The following NUP155 variants were observed in gnomAD, a reference collection of about 807,000 sequenced individuals.
NUP155 encodes nuclear pore complex protein Nup155.
NUP155 carries 71 observed loss-of-function variants against 180.4 expected under a neutral mutation model. The observed-to-expected ratio is 0.39, with a 90% CI of 0.33 to 0.48. NUP155 has a LOEUF of 0.48. NUP155 is among the 20% of genes least tolerant of loss of function. NUP155 has a pLI of 0.91. For synonymous variants in NUP155, 582 were observed against 559.5 expected (o/e 1.04, Z -0.57); for missense variants, 1,553 against 1,648.9 (o/e 0.94, Z 1.01).
chr5:37,315,040 T>A (rs899659781), intron 21 of NUP155, among the ~76,000 whole-genome samples: 2 of 152,154 alleles, frequency 1.3e-5, no homozygotes, highest in African/African-American at 4.8e-5. Flanking sequence ...AAGACCGGCC[T>A]GGCCAAAGTG....
chr5:37,296,090 C>G (rs1325113331), intron 32 of NUP155, among the ~76,000 whole-genome samples: 18 of 138,808 alleles, frequency 1.3e-4, no homozygotes, highest in Non-Finnish European at 3.2e-5. Flanking sequence ...CCGCCCCGTC[C>G]GGGAGGTGAG....
rs1742167339 is a variant in NUP155, at chr5:37,290,029, T to C, written c.*1871A>G. The C allele has an allele frequency of 1.3e-5, 2 of 152,132 alleles. No homozygotes were observed. The highest frequency in any genetic ancestry group is 2.4e-5 in the African/African-American group (1 of 41,426). The allele number at this position is 152,132 out of a possible 1,614,324, so 9.4% of individuals were successfully genotyped here. ...TAGAAGATTATAGGGAAAAGGGAGCTGAATTCTAAGAGAACAAATGTAGAG... is the reference window on the plus strand; with the variant it reads ...TAGAAGATTATAGGGAAAAGGGAGCCGAATTCTAAGAGAACAAATGTAGAG... On this transcript the variant is annotated 3_prime_UTR_variant, in exon 35 of 35. Coordinates refer to ENST00000231498, the MANE Select transcript of NUP155 (RefSeq NM_153485.3).
Position 37,302,789 on chromosome 5 carries a change from T to C in NUP155, c.3437A>G (p.Glu1146Gly), listed in dbSNP as rs1742933023. Residue 1146 changes from glutamate to glycine, a missense_variant, in exon 29 of 35, where the codon GAA becomes GGA. Physicochemically the swap from Glu to Gly is moderately conservative, Grantham distance 98. Coordinates refer to ENST00000231498, the MANE Select transcript of NUP155 (RefSeq NM_153485.3). ...ADGEFLHELE[E>G]KMEVARIQLQ... Reference sequence around the variant, plus strand: ...ATCTTTAGCACTTACCTCCATTTTTTCTTCTAATTCATGAAGAAATTCACC... The same window carrying C: ...ATCTTTAGCACTTACCTCCATTTTTCCTTCTAATTCATGAAGAAATTCACC... The C allele has an allele frequency of 6.2e-7, 1 of 1,613,990 alleles. No homozygotes were observed. Among genetic ancestry groups the C allele is most frequent in the African/African-American group, 1.3e-5 (1 of 74,926 alleles).
Position 37,324,321 on chromosome 5 carries a change from C to A in NUP155, c.2092-214G>T, listed in dbSNP as rs1214558279. ...CAATAAAATACAAATACTAAGAAAA[C>A]ATCTTGATTACTTTTATATATTTTT... On this transcript the variant is annotated intron_variant, in intron 19 of 34. Transcript: ENST00000231498. 2.0e-5 allele frequency among the ~76,000 whole-genome samples: 3 copies of A among 152,054 alleles called. No homozygotes were observed. The East Asian group carries it at 5.8e-4, about 29-fold the overall frequency.
chr5:37,364,668 G>C (rs1483822265), intron 1 of NUP155, among the ~76,000 whole-genome samples: 1 of 150,288 alleles, frequency 6.7e-6, no homozygotes, highest in African/African-American at 2.4e-5. Context: ...ATAGAGTCTC[G>C]CACTGTCGCC....
At chr5:37,323,727 G>C (rs896527776) in intron 20 of NUP155, among the ~76,000 whole-genome samples, 2 of 151,178 alleles carry the variant, frequency 1.3e-5, no homozygotes, top group Non-Finnish European at 2.9e-5. Context: ...CAGATCTGTG[G>C]AGACAGAAAG....
intron 19 of NUP155, 132 bp from the exon 20 acceptor site, chr5:37,324,239 T>A (rs901493130): frequency 8.7e-6 from 6 of 687,956 alleles, no homozygotes; most frequent in Non-Finnish European, 1.3e-5. Flanking sequence ...TTGATCCGAA[T>A]AAAGTATACC....
Position 37,307,445 on chromosome 5 carries a change from A to C in NUP155, c.2768-13T>G. On this transcript the variant is annotated splice_polypyrimidine_tract_variant and intron_variant, in intron 24 of 34. Coordinates refer to ENST00000231498, the MANE Select transcript of NUP155 (RefSeq NM_153485.3). Reference sequence around the variant, plus strand: ...TCATAAAATCTCACTGATGGGAAAGAAAAGAATGAAGACCTATGACTTACT... The same window carrying C: ...TCATAAAATCTCACTGATGGGAAAGCAAAGAATGAAGACCTATGACTTACT... The C allele has an allele frequency of 6.2e-7, 1 of 1,613,800 alleles. No homozygotes were observed. Among genetic ancestry groups the C allele is most frequent in the Non-Finnish European group, 8.5e-7 (1 of 1,179,760 alleles).
chr5:37,332,673 T>C (rs559619604), intron 13 of NUP155, among the ~76,000 whole-genome samples: 1 of 152,138 alleles, frequency 6.6e-6, no homozygotes, highest in African/African-American at 2.4e-5. Flanking sequence ...ATATTTCAAA[T>C]GATGGCTGGG....
In NUP155 at chr5:37,288,412, C is replaced by T. The variant is rs1356924177; in HGVS notation, c.*3488G>A. On this transcript the variant is annotated 3_prime_UTR_variant, in exon 35 of 35. Transcript: ENST00000231498. The stretch of plus-strand genomic sequence containing the variant: ...TAAAGAAACACTAAATGTACATGTA[C>T]ATCAGTCAGTATCTCATAGCATAAA... 6.6e-6 allele frequency: 1 copy of T among 151,986 alleles called. No homozygotes were observed. The highest frequency in any genetic ancestry group is 6.6e-5 in the Admixed American group (1 of 15,264). 9.4% of individuals were successfully genotyped at this position (151,986 alleles called of 1,614,324 possible).
chr5:37,306,080 T>C (rs1235120347), intron 25 of NUP155, among the ~76,000 whole-genome samples: 1 of 152,124 alleles, frequency 6.6e-6, no homozygotes, highest in Non-Finnish European at 1.5e-5. Context: ...GGTAAAGTCA[T>C]TAAATATAGT....
chr5:37,342,119 G>T (rs891560773), intron 10 of NUP155, among the ~76,000 whole-genome samples: 1 of 152,130 alleles, frequency 6.6e-6, no homozygotes, highest in Non-Finnish European at 1.5e-5. Flanking sequence ...GCTCACTGTA[G>T]CCTCAAACTC....
chr5:37,295,642 G>A (rs1017305857), intron 32 of NUP155, among the ~76,000 whole-genome samples: 3 of 146,208 alleles, frequency 2.1e-5, no homozygotes, highest in African/African-American at 5.0e-5. Context: ...AGGAAGTGAG[G>A]AGCGTCTCTG....
intron 4 of NUP155, among the ~76,000 whole-genome samples, chr5:37,354,892 G>A (rs1273037220): frequency 6.6e-6 from 1 of 151,692 alleles, no homozygotes; most frequent in Non-Finnish European, 1.5e-5. Context: ...AGGAGTTCGA[G>A]ACCAGCCTGA....
At chr5:37,347,106 T>C (rs956077340) in intron 9 of NUP155, among the ~76,000 whole-genome samples, 13 of 152,224 alleles carry the variant, frequency 8.5e-5, no homozygotes, top group Middle Eastern at 3.4e-3. Context: ...CATGTGCCTG[T>C]AGTCCTAGCC....
chr5:37,318,494 C>CT (rs1744046672), intron 20 of NUP155, among the ~76,000 whole-genome samples: 1 of 150,606 alleles, frequency 6.6e-6, no homozygotes, highest in African/African-American at 2.5e-5. Context: ...AAAAAAAAAA[C>CT]TAACATCTGA....
chr5:37,308,160 A>G (rs1468417791), intron 24 of NUP155, among the ~76,000 whole-genome samples: 1 of 152,124 alleles, frequency 6.6e-6, no homozygotes, highest in African/African-American at 2.4e-5. Flanking sequence ...AAAACTCAAT[A>G]AAAAATTTTA....
intron 21 of NUP155, among the ~76,000 whole-genome samples, chr5:37,317,059 C>T (rs1258585593): frequency 6.6e-6 from 1 of 151,312 alleles, no homozygotes; most frequent in Admixed American, 6.6e-5. Context: ...GTCCCAGCTA[C>T]TCAGAAGGCT....
Position 37,307,176 on chromosome 5 carries a change from T to C in NUP155, c.2903+121A>G, listed in dbSNP as rs1743206346. ...TCACACGACTGCACTCCAGCCCAGG[T>C]GACAGAGCAAGACTCTGTCTCAAAA... On this transcript the variant is annotated intron_variant, in intron 25 of 34. Transcript: ENST00000231498. The C allele has an allele frequency of 4.3e-6, 4 of 935,028 alleles. No homozygotes were observed. The South Asian group carries it at 6.2e-5, about 14-fold the overall frequency. The allele number at this position is 935,028 out of a possible 1,614,324, so 57.9% of individuals were successfully genotyped here.
Sources: gnomAD v4.1 joint callset for allele counts (sites outside exome capture counted in the v4.1 genomes callset) on GRCh38, gnomAD v4.1.1 for gene constraint, MANE v1.5 for transcripts, NCBI Gene and HGNC (gene_info 2026-07-23, HGNC 2026-07-21) for gene names.